The following SLC24A3 variants were observed in gnomAD, a reference collection of about 807,000 sequenced individuals.
SLC24A3 encodes solute carrier family 24 member 3, also known as sodium/potassium/calcium exchanger 3.
A neutral mutation model predicts 75.8 loss-of-function variants in SLC24A3; 28 were observed. The ratio of observed to expected loss-of-function variants is 0.37; its 90% CI spans 0.27 to 0.51. SLC24A3 has a LOEUF of 0.51. SLC24A3 is among the 20% of genes least tolerant of loss of function. SLC24A3 has a pLI of 0.94. For missense variants in SLC24A3, 663 were observed against 847.8 expected (o/e 0.78, Z 2.71); for synonymous variants, 372 against 334.1 (o/e 1.11, Z -1.24).
At chr20:19,585,639 C>A in intron 6 of SLC24A3, 95 bp downstream of exon 6, 1 of 1,213,158 alleles carries the variant, frequency 8.2e-7, no homozygotes, top group Non-Finnish European at 1.2e-6. Context: ...TGGAACACAA[C>A]TTGCATTAGG....
At chr20:19,479,777 G>T (rs1021936771) in intron 2 of SLC24A3, among the ~76,000 whole-genome samples, 5 of 152,206 alleles carry the variant, frequency 3.3e-5, no homozygotes, top group African/African-American at 1.2e-4. Flanking sequence ...GCTCTGGTCT[G>T]TCCCATTGTC....
At chr20:19,251,627 G>C (rs139107315) in intron 1 of SLC24A3, among the ~76,000 whole-genome samples, 155 of 152,286 alleles carry the variant, frequency 1.0e-3, no homozygotes, top group African/African-American at 3.7e-3. Flanking sequence ...ATTGTCCCAC[G>C]AGAGAGGCAA....
At chr20:19,337,554 G>C (rs185069807) in intron 2 of SLC24A3, among the ~76,000 whole-genome samples, 1 of 152,328 alleles carries the variant, frequency 6.6e-6, no homozygotes, top group Admixed American at 6.5e-5. Context: ...TGATGGACTT[G>C]TTATGAGCTC....
intron 4 of SLC24A3, among the ~76,000 whole-genome samples, chr20:19,581,013 A>G (rs2122632850): frequency 6.6e-6 from 1 of 152,300 alleles, no homozygotes; most frequent in South Asian, 2.1e-4. Flanking sequence ...GGAACCACAG[A>G]CTTAGAGAAC....
intron 2 of SLC24A3, among the ~76,000 whole-genome samples, chr20:19,331,124 A>G (rs1984988399): frequency 6.6e-6 from 1 of 152,214 alleles, no homozygotes; most frequent in Non-Finnish European, 1.5e-5. Flanking sequence ...TGGAGGGAGA[A>G]GTGCTTTAGT....
chr20:19,426,437 A>C (rs1443033180), intron 2 of SLC24A3, among the ~76,000 whole-genome samples: 5 of 152,206 alleles, frequency 3.3e-5, no homozygotes, highest in Non-Finnish European at 7.3e-5. Flanking sequence ...TTTATATACA[A>C]CTTTAGGCTT....
At chr20:19,522,786 GT>G (rs10714454) in intron 3 of SLC24A3, among the ~76,000 whole-genome samples, 71,790 of 148,656 alleles carry the variant, frequency 0.48, 17,671 homozygotes, top group East Asian at 0.61. Context: ...CTCCTGCAGG[GT>G]TTTTTTTTTT....
chr20:19,553,637 G>T (rs1251218000), intron 3 of SLC24A3, among the ~76,000 whole-genome samples: 1 of 152,078 alleles, frequency 6.6e-6, no homozygotes, highest in African/African-American at 2.4e-5. Context: ...GCTGACAAAA[G>T]CACTTGGTAG....
At chr20:19,485,888 G>T (rs1988120673) in intron 2 of SLC24A3, among the ~76,000 whole-genome samples, 1 of 152,350 alleles carries the variant, frequency 6.6e-6, no homozygotes, top group South Asian at 2.1e-4. Flanking sequence ...CTATCATTCT[G>T]TTGTCCTGAA....
intron 1 of SLC24A3, among the ~76,000 whole-genome samples, chr20:19,222,223 C>T (rs1397530743): frequency 2.6e-5 from 4 of 152,076 alleles, no homozygotes; most frequent in Admixed American, 6.5e-5. Context: ...TAAGTAGATT[C>T]GTAGTAGTAT....
At chr20:19,390,681 C>T (rs982846276) in intron 2 of SLC24A3, among the ~76,000 whole-genome samples, 1 of 152,122 alleles carries the variant, frequency 6.6e-6, no homozygotes, top group African/African-American at 2.4e-5. Context: ...GACCTGGAGC[C>T]TACATTTGCT....
chr20:19,480,847 T>A (rs116810293), intron 2 of SLC24A3, among the ~76,000 whole-genome samples: 2,530 of 152,276 alleles, frequency 0.017, 70 homozygotes, highest in African/African-American at 0.055. Flanking sequence ...GGTTTTATTG[T>A]CCTCCTGAAA....
At chr20:19,435,228 C>T (rs2122458358) in intron 2 of SLC24A3, among the ~76,000 whole-genome samples, 1 of 152,292 alleles carries the variant, frequency 6.6e-6, no homozygotes, top group South Asian at 2.1e-4. Flanking sequence ...ACTTAACTCC[C>T]CAGAACTTGA....
At chr20:19,696,980 AGGGAGGGAGGG>A (rs2032815502) in intron 14 of SLC24A3, 69 bp downstream of exon 14, 3 of 19,858 alleles carry the variant, frequency 1.5e-4, no homozygotes, top group Admixed American at 1.1e-3. Context: ...GAAGGGAGGG[AGGGAGGGAGGG>A]AAGGAAGGCA....
chr20:19,286,584 G>C (rs1363109671), intron 2 of SLC24A3, among the ~76,000 whole-genome samples: 1 of 152,148 alleles, frequency 6.6e-6, no homozygotes, highest in Non-Finnish European at 1.5e-5. Flanking sequence ...CAAGGTCAGA[G>C]GGCTTGTCAG....
intron 6 of SLC24A3, among the ~76,000 whole-genome samples, chr20:19,623,677 C>A (rs986137224): frequency 1.3e-5 from 2 of 152,180 alleles, no homozygotes; most frequent in African/African-American, 4.8e-5. Flanking sequence ...TTGGACAGCA[C>A]AAGTTATAGA....
At chr20:19,685,027 A>G in intron 11 of SLC24A3, 73 bp from the exon 12 acceptor site, 2 of 1,506,886 alleles carry the variant, frequency 1.3e-6, no homozygotes, top group Middle Eastern at 2.3e-4. Flanking sequence ...AAAGATCCCA[A>G]CAGCTCATGT....
At chr20:19,641,904 G>T (rs1485256708) in intron 6 of SLC24A3, among the ~76,000 whole-genome samples, 4 of 152,140 alleles carry the variant, frequency 2.6e-5, no homozygotes, top group Non-Finnish European at 5.9e-5. Context: ...AGACACCCAG[G>T]TCATTCTTAC....
At position 19,698,789 on chromosome 20, in the gene SLC24A3, G is replaced by A. The variant is rs558764977; in HGVS notation, c.1719+109G>A. 62 of 802,156 alleles carry A rather than the reference G, an allele frequency of 7.7e-5. 1 individual carries two copies. Among genetic ancestry groups the A allele is most frequent in the African/African-American group, 5.0e-4 (29 of 58,102 alleles). 49.7% of individuals were successfully genotyped at this position (802,156 alleles called of 1,614,324 possible). A position where few individuals can be genotyped will look rare whatever the true frequency, so the allele number is the denominator to read the frequency against. ...TCGGGGAAAAAGGGGTGTAGAAATCGTAATATTGAGGGGGAAACAAATTCT... is the reference window on the plus strand; with the variant it reads ...TCGGGGAAAAAGGGGTGTAGAAATCATAATATTGAGGGGGAAACAAATTCT... On this transcript the variant is annotated intron_variant, in intron 15 of 16. Coordinates refer to ENST00000328041, the MANE Select transcript of SLC24A3 (RefSeq NM_020689.4).
Sources: gnomAD v4.1 joint callset for allele counts (sites outside exome capture counted in the v4.1 genomes callset) on GRCh38, gnomAD v4.1.1 for gene constraint, MANE v1.5 for transcripts, NCBI Gene and HGNC (gene_info 2026-07-23, HGNC 2026-07-21) for gene names.